The following INO80D variants were observed in gnomAD, a reference collection of about 807,000 sequenced individuals.
INO80D encodes INO80 complex subunit D.
In INO80D, 21 loss-of-function variants were observed where a neutral mutation model predicts 87.6. The ratio of observed to expected loss-of-function variants is 0.24; its 90% CI spans 0.17 to 0.35. The LOEUF is 0.35. Ranked by LOEUF, INO80D falls within the 10% of genes least tolerant of loss-of-function variation. The pLI, the probability that INO80D is intolerant of heterozygous loss-of-function variation, is 1.00. For missense variants in INO80D, 982 were observed against 1,280.7 expected, an observed-to-expected ratio of 0.77 and a Z score of 3.56; for synonymous variants, 440 against 491.0, an observed-to-expected ratio of 0.90 and a Z score of 1.37.
chr2:206,080,161 C>A (rs1368176869), intron 1 of INO80D, among the ~76,000 whole-genome samples: 1 of 152,212 alleles, frequency 6.6e-6, no homozygotes, highest in Non-Finnish European at 1.5e-5. Flanking sequence ...AAGCTCAGAG[C>A]TACAACAGAG....
chr2:206,027,298 A>C (rs1559440716), intron 6 of INO80D, among the ~76,000 whole-genome samples: 1 of 152,252 alleles, frequency 6.6e-6, no homozygotes, highest in Non-Finnish European at 1.5e-5. Flanking sequence ...TCCACAATAA[A>C]CAAGTATTTG....
intron 8 of INO80D, among the ~76,000 whole-genome samples, chr2:206,016,195 C>T (rs578082254): frequency 2.0e-5 from 3 of 152,338 alleles, no homozygotes; most frequent in Admixed American, 2.0e-4. Flanking sequence ...AGGGGCAGAC[C>T]TGCCCAAGAT....
intron 3 of INO80D, among the ~76,000 whole-genome samples, chr2:206,059,405 A>C (rs1689624517): frequency 6.6e-6 from 1 of 152,090 alleles, no homozygotes; most frequent in South Asian, 2.1e-4. Context: ...ACAAAAAAGA[A>C]CAGAGAACCT....
At chr2:206,021,538 C>T (rs1256593680) in intron 6 of INO80D, among the ~76,000 whole-genome samples, 1 of 152,126 alleles carries the variant, frequency 6.6e-6, no homozygotes, top group African/African-American at 2.4e-5. Flanking sequence ...ATAAATAAAC[C>T]TTTACTATTC....
At chr2:206,006,746 C>T (rs35293964) in intron 10 of INO80D, among the ~76,000 whole-genome samples, 42,066 of 151,120 alleles carry the variant, frequency 0.28, 6,761 homozygotes, top group Non-Finnish European at 0.36. Context: ...AAAGTATTCA[C>T]TTTAAAGAAA....
rs1687766210 is a variant in INO80D, at chr2:205,994,201, TA to T, written c.*10166del. On this transcript the variant is annotated 3_prime_UTR_variant, in exon 11 of 11. Transcript: ENST00000403263. ...GGCTCCTAACTTTTGTGCATATAAT[TA>T]AACTCCCAGCCACTATGAACACAAA... 1 of 152,196 alleles carries T rather than the reference TA, an allele frequency of 6.6e-6. No homozygotes were observed. Among genetic ancestry groups the T allele is most frequent in the Non-Finnish European group, 1.5e-5 (1 of 68,044 alleles). 9.4% of individuals were successfully genotyped at this position (152,196 alleles called of 1,614,324 possible).
rs112491612 is a variant in INO80D at position 206,057,899 on chromosome 2, T to TAAA, written c.219-959_219-957dup. ...ACATGGACTTTTCCTGTGGAAAGTT[T>TAAA]AAAAAAAAAAAAAAAGAGCAAAATT... On this transcript the variant is annotated intron_variant, in intron 3 of 10. Transcript: ENST00000403263. 2.5e-3 allele frequency among the ~76,000 whole-genome samples: 346 copies of TAAA among 140,170 alleles called. 9 individuals carry two copies. Among genetic ancestry groups the TAAA allele is most frequent in the Non-Finnish European group, 6.9e-4 (44 of 64,094 alleles). The allele number at this position is 140,170 out of a possible 152,430, so 92.0% of individuals were successfully genotyped here.
intron 6 of INO80D, among the ~76,000 whole-genome samples, chr2:206,025,009 C>T (rs1056699557): frequency 6.6e-6 from 1 of 152,036 alleles, no homozygotes; most frequent in African/African-American, 2.4e-5. Flanking sequence ...CCACCTCGGC[C>T]TCCCAAATCA....
At chr2:206,084,273 A>ACCC (rs35924014) in intron 1 of INO80D, among the ~76,000 whole-genome samples, 13 of 144,508 alleles carry the variant, frequency 9.0e-5, no homozygotes, top group African/African-American at 2.3e-4. Context: ...ACACACACAC[A>ACCC]CCCCAAAACC....
At chr2:206,049,361 C>T (rs954508834) in intron 4 of INO80D, among the ~76,000 whole-genome samples, 1 of 152,106 alleles carries the variant, frequency 6.6e-6, no homozygotes, top group African/African-American at 2.4e-5. Context: ...GGTAAAAAAG[C>T]AATTAAATGA....
At position 206,019,794 on chromosome 2, in the gene INO80D, G is replaced by T. The variant is rs370858663; in HGVS notation, c.1350C>A (p.Thr450=). ...REVEPAACSG[T]VKGEQCANKA... Reference sequence around the variant, plus strand: ...TGTTAGCGCACTGTTCACCCTTCACGGTTCCACTGCATGCTGCTGGTTCCA... The same window carrying T: ...TGTTAGCGCACTGTTCACCCTTCACTGTTCCACTGCATGCTGCTGGTTCCA... The change falls in exon 7 of 11, where the codon ACC becomes ACA. Residue 450 remains threonine (T), a synonymous_variant. Transcript: ENST00000403263. 3.1e-6 allele frequency: 5 copies of T among 1,613,738 alleles called. No individual in the cohort carries two copies. The highest frequency in any genetic ancestry group is 4.2e-6 in the Non-Finnish European group (5 of 1,179,854).
intron 6 of INO80D, among the ~76,000 whole-genome samples, chr2:206,025,885 A>T (rs186485355): frequency 1.5e-4 from 23 of 152,036 alleles, no homozygotes; most frequent in African/African-American, 5.3e-4. Flanking sequence ...ATTTCCTTAA[A>T]GTAAGATAAT....
At position 206,059,479 on chromosome 2, in the gene INO80D, T is replaced by TA. The variant is rs574740790; in HGVS notation, c.219-2537dup. On this transcript the variant is annotated intron_variant, in intron 3 of 10. Transcript: ENST00000403263. ...ATAGTTTGGGAAAAGACCACTGAGG[T>TA]AAAAAATGTCAATCCTCAAATTCAC... Among the ~76,000 whole-genome samples the TA allele has an allele frequency of 1.7e-3, 264 of 152,188 alleles. 1 individual carries two copies. The highest frequency in any genetic ancestry group is 3.0e-3 in the Non-Finnish European group (203 of 67,982).
intron 5 of INO80D, among the ~76,000 whole-genome samples, chr2:206,036,252 A>G (rs1376085115): frequency 6.6e-6 from 1 of 152,228 alleles, no homozygotes; most frequent in Non-Finnish European, 1.5e-5. Flanking sequence ...ACCCACCCAG[A>G]GGAAAAGAAG....
chr2:205,995,765 CAA>C lies in INO80D; in HGVS notation c.*8601_*8602del, dbSNP rs1687797687. ...ATGCAAGTTTTCTAGAGAGCTGCAG[CAA>C]AGTTAATACAGAATGTCACAAACTG... On this transcript the variant is annotated 3_prime_UTR_variant, in exon 11 of 11. Coordinates refer to ENST00000403263, the MANE Select transcript of INO80D (RefSeq NM_017759.5). The C allele has an allele frequency of 6.6e-6, 1 of 151,978 alleles. No homozygotes were observed. Among genetic ancestry groups the C allele is most frequent in the African/African-American group, 2.4e-5 (1 of 41,406 alleles). 9.4% of individuals were successfully genotyped at this position (151,978 alleles called of 1,614,324 possible).
intron 4 of INO80D, among the ~76,000 whole-genome samples, chr2:206,047,079 A>G (rs1559451389): frequency 6.6e-6 from 1 of 152,094 alleles, no homozygotes; most frequent in Admixed American, 6.5e-5. Flanking sequence ...GCCTGGCCAC[A>G]CAATCGGGTT....
At chr2:206,032,579 G>A (rs1688796961) in intron 5 of INO80D, among the ~76,000 whole-genome samples, 1 of 152,200 alleles carries the variant, frequency 6.6e-6, no homozygotes, top group Admixed American at 6.5e-5. Context: ...AGAAGCACCA[G>A]ATAACCTATA....
intron 5 of INO80D, among the ~76,000 whole-genome samples, chr2:206,043,412 C>T (rs1452073605): frequency 6.6e-6 from 1 of 151,810 alleles, no homozygotes; most frequent in Non-Finnish European, 1.5e-5. Flanking sequence ...CCTCATGATC[C>T]GCCCACTTCG....
At chr2:206,064,906 A>C (rs1689773911) in intron 1 of INO80D, among the ~76,000 whole-genome samples, 1 of 152,164 alleles carries the variant, frequency 6.6e-6, no homozygotes, top group Non-Finnish European at 1.5e-5. Flanking sequence ...TTACTAAGTA[A>C]ATTAATCACA....
Sources: gnomAD v4.1 joint callset for allele counts (sites outside exome capture counted in the v4.1 genomes callset) on GRCh38, gnomAD v4.1.1 for gene constraint, MANE v1.5 for transcripts, NCBI Gene and HGNC (gene_info 2026-07-23, HGNC 2026-07-21) for gene names.